Variants in CCR5AS observed in about 807,000 individuals in gnomAD.
CCR5AS encodes the protein CCR5 antisense RNA.
rs190173895 is a variant in CCR5AS at position 46,382,947 on chromosome 3, G to A, written n.391+9878C>T. Among the ~76,000 whole-genome samples, 570 of 152,348 alleles carry A rather than the reference G, an allele frequency of 3.7e-3. 5 individuals are homozygous for A. Among genetic ancestry groups the A allele is most frequent in the Non-Finnish European group, 4.1e-3 (282 of 68,034 alleles). Reference sequence around the variant, plus strand: ...TTACAGGTTTGTTCAGAGGATAAATGAGAAATTGCATGTTGAGGGCTTAAC... The same window carrying A: ...TTACAGGTTTGTTCAGAGGATAAATAAGAAATTGCATGTTGAGGGCTTAAC... On this transcript the variant is annotated intron_variant and non_coding_transcript_variant, in intron 2 of 3. Transcript: ENST00000451485.
intron 2 of CCR5AS, among the ~76,000 whole-genome samples, chr3:46,379,570 T>G (rs1701797996): frequency 6.6e-6 from 1 of 152,142 alleles, no homozygotes; most frequent in Admixed American, 6.6e-5. Context: ...CCAAACCTCC[T>G]TCAGGGAAGA....
At chr3:46,386,995 G>A (rs1297918647) in intron 2 of CCR5AS, among the ~76,000 whole-genome samples, 1 of 152,040 alleles carries the variant, frequency 6.6e-6, no homozygotes, top group Admixed American at 6.5e-5. Context: ...ACTATTTTCT[G>A]CCCATGTAAT....
At chr3:46,392,109 G>A (rs1701919136) in intron 2 of CCR5AS, among the ~76,000 whole-genome samples, 1 of 152,228 alleles carries the variant, frequency 6.6e-6, no homozygotes, top group Non-Finnish European at 1.5e-5. Context: ...TGTCAAGTTT[G>A]TATTGGGGCC....
chr3:46,367,993 G>T (rs534605635), intron 3 of CCR5AS, among the ~76,000 whole-genome samples: 103 of 152,174 alleles, frequency 6.8e-4, no homozygotes, highest in Non-Finnish European at 1.4e-3. Context: ...CTGCTGTATG[G>T]CAGGGTTTCT....
intron 1 of CCR5AS, among the ~76,000 whole-genome samples, chr3:46,397,684 A>T (rs1202806985): frequency 6.6e-6 from 1 of 152,198 alleles, no homozygotes; most frequent in Non-Finnish European, 1.5e-5. Context: ...CATCAGCCAA[A>T]CACAACTGAA....
At chr3:46,395,635 T>G (rs1456888691) in intron 1 of CCR5AS, among the ~76,000 whole-genome samples, 2 of 152,202 alleles carry the variant, frequency 1.3e-5, no homozygotes, top group East Asian at 3.9e-4. Flanking sequence ...GGTCTCCTCC[T>G]CTGCCCACTC....
intron 1 of CCR5AS, among the ~76,000 whole-genome samples, chr3:46,403,630 C>A (rs149451411): frequency 6.6e-6 from 1 of 152,288 alleles, no homozygotes; most frequent in East Asian, 1.9e-4. Flanking sequence ...TGGCTGCAAC[C>A]CAATGGATGC....
At chr3:46,398,604 A>G (rs146193482) in intron 1 of CCR5AS, among the ~76,000 whole-genome samples, 2,635 of 152,202 alleles carry the variant, frequency 0.017, 36 homozygotes, top group Non-Finnish European at 0.026. Context: ...TATTGTCCTA[A>G]CTCAGCACAT....
intron 2 of CCR5AS, among the ~76,000 whole-genome samples, chr3:46,379,614 G>T (rs1033302142): frequency 1.6e-4 from 25 of 152,226 alleles, no homozygotes; most frequent in Middle Eastern, 3.4e-3. Context: ...GCACTGCTTC[G>T]CCAGGCGTGG....
intron 2 of CCR5AS, among the ~76,000 whole-genome samples, chr3:46,390,289 T>C (rs1701899379): frequency 6.6e-6 from 1 of 151,962 alleles, no homozygotes. Flanking sequence ...TGGAAGGGTG[T>C]ATTGAAGATA....
intron 1 of CCR5AS, among the ~76,000 whole-genome samples, chr3:46,394,212 A>G (rs1575286644): frequency 6.6e-6 from 1 of 152,210 alleles, no homozygotes; most frequent in Non-Finnish European, 1.5e-5. Flanking sequence ...AACATCCTGG[A>G]ACACTCAGGA....
chr3:46,400,397 A>G (rs1044541476), intron 1 of CCR5AS, among the ~76,000 whole-genome samples: 1 of 152,210 alleles, frequency 6.6e-6, no homozygotes, highest in African/African-American at 2.4e-5. Flanking sequence ...CAAGAGAATG[A>G]CTAAGTGGCA....
chr3:46,405,858 C>T (rs190501693), intron 1 of CCR5AS, among the ~76,000 whole-genome samples: 85 of 151,952 alleles, frequency 5.6e-4, no homozygotes, highest in Admixed American at 1.5e-3. Context: ...TTCCTCTCCC[C>T]GCCCCTCCTC....
At chr3:46,397,302 C>T (rs1055200734) in intron 1 of CCR5AS, among the ~76,000 whole-genome samples, 12 of 152,362 alleles carry the variant, frequency 7.9e-5, no homozygotes, top group Admixed American at 2.6e-4. Flanking sequence ...GGACAGAGGA[C>T]GGTTCCACTT....
At chr3:46,381,222 C>T (rs1368078685) in intron 2 of CCR5AS, among the ~76,000 whole-genome samples, 1 of 152,176 alleles carries the variant, frequency 6.6e-6, no homozygotes, top group Non-Finnish European at 1.5e-5. Context: ...AAGGGCCTGT[C>T]TGAGATGTTT....
In CCR5AS at chr3:46,373,394, C is replaced by G. The variant is rs1800942; in HGVS notation, n.392-1977G>C. 19 of 1,612,246 alleles carry G rather than the reference C, an allele frequency of 1.2e-5. No homozygotes were observed. Among genetic ancestry groups the G allele is most frequent in the Admixed American group, 1.0e-4 (6 of 59,936 alleles). On this transcript the variant is annotated intron_variant and non_coding_transcript_variant, in intron 2 of 3. Transcript: ENST00000451485. ...CTGTGTTTGCGTCTCTCCCAGGAATCATCTTTACCAGATCTCAAAAAGAAG... is the reference window on the plus strand; with the variant it reads ...CTGTGTTTGCGTCTCTCCCAGGAATGATCTTTACCAGATCTCAAAAAGAAG...
At chr3:46,369,947 C>T (rs1317920872) in intron 3 of CCR5AS, among the ~76,000 whole-genome samples, 1 of 152,082 alleles carries the variant, frequency 6.6e-6, no homozygotes, top group Non-Finnish European at 1.5e-5. Flanking sequence ...TATTCTAGAG[C>T]CAAGGTCACG....
intron 3 of CCR5AS, among the ~76,000 whole-genome samples, chr3:46,370,109 A>G (rs1487378965): frequency 6.6e-6 from 1 of 152,126 alleles, no homozygotes; most frequent in Non-Finnish European, 1.5e-5. Flanking sequence ...GAACTTGACC[A>G]TATACTTATG....
chr3:46,377,703 T>C (rs2106757393), intron 2 of CCR5AS, among the ~76,000 whole-genome samples: 1 of 152,030 alleles, frequency 6.6e-6, no homozygotes, highest in South Asian at 2.1e-4. Flanking sequence ...AAACAAATCA[T>C]GAACTTTCCT....
Sources: allele counts gnomAD v4.1 joint callset (sites outside exome capture counted in the v4.1 genomes callset), GRCh38; gene constraint gnomAD v4.1.1; transcripts MANE v1.5; gene names NCBI Gene and HGNC (gene_info 2026-07-23, HGNC 2026-07-21).